Variants in MYO10 observed in about 807,000 individuals in gnomAD.
The protein encoded by MYO10 is myosin X.
MYO10 carries 133 observed loss-of-function variants against 257.3 expected under a neutral mutation model. That is an observed-to-expected ratio of 0.52 (90% CI 0.45 to 0.60). MYO10 has a LOEUF of 0.60. MYO10 is among the 20% of genes least tolerant of loss of function. The pLI is 0.00. For missense variants in MYO10, 2,399 were observed against 2,635.7 expected, an observed-to-expected ratio of 0.91 and a Z score of 1.97; for synonymous variants, 1,104 against 1,028.6, an observed-to-expected ratio of 1.07 and a Z score of -1.40.
At chr5:16,768,967 C>T in intron 10 of MYO10, 107 bp downstream of exon 10, 1 of 1,369,438 alleles carries the variant, frequency 7.3e-7, no homozygotes, top group Non-Finnish European at 9.6e-7. Flanking sequence ...AGAGCCACCG[C>T]ACCTGGCCAG....
chr5:16,747,794 C>G (rs1740241596), intron 19 of MYO10, among the ~76,000 whole-genome samples: 1 of 151,576 alleles, frequency 6.6e-6, no homozygotes, highest in African/African-American at 2.4e-5. Context: ...TGGCAGGTGC[C>G]TGTAGTCCCA....
intron 2 of MYO10, among the ~76,000 whole-genome samples, chr5:16,828,198 G>T (rs1469993281): frequency 6.6e-6 from 1 of 152,160 alleles, no homozygotes; most frequent in Non-Finnish European, 1.5e-5. Flanking sequence ...CCCACTGCTG[G>T]TGCTACTGTC....
Position 16,765,839 on chromosome 5 carries a change from G to T in MYO10, c.1179+241C>A, listed in dbSNP as rs180948157. On this transcript the variant is annotated intron_variant, in intron 11 of 40. Coordinates refer to ENST00000513610, the MANE Select transcript of MYO10 (RefSeq NM_012334.3). ...GTTCAAAGTCAGGCAATCTGCATTC[G>T]ACCCATCCTCTTAAACAACAATTCG... is the stretch of plus-strand genomic sequence containing the variant. Among the ~76,000 whole-genome samples the T allele has an allele frequency of 5.2e-4, 79 of 152,210 alleles. 1 individual carries two copies. Among genetic ancestry groups the T allele is most frequent in the African/African-American group, 1.8e-3 (74 of 41,548 alleles).
chr5:16,873,958 T>C (rs1744519311), intron 2 of MYO10, among the ~76,000 whole-genome samples: 1 of 152,134 alleles, frequency 6.6e-6, no homozygotes, highest in East Asian at 1.9e-4. Context: ...CTGGAGACAT[T>C]TTCCCCATGG....
At chr5:16,837,764 G>C (rs772380526) in intron 2 of MYO10, among the ~76,000 whole-genome samples, 16 of 152,108 alleles carry the variant, frequency 1.1e-4, no homozygotes, top group Non-Finnish European at 2.1e-4. Context: ...CTCAAATACA[G>C]GCACACCTCG....
chr5:16,718,274 C>T (rs954689284), intron 19 of MYO10, among the ~76,000 whole-genome samples: 3 of 152,222 alleles, frequency 2.0e-5, no homozygotes, highest in African/African-American at 2.4e-5. Context: ...GCCTCCCTGA[C>T]GAGCACCGCC....
intron 19 of MYO10, among the ~76,000 whole-genome samples, chr5:16,739,425 C>T (rs1329820469): frequency 2.0e-5 from 3 of 152,076 alleles, no homozygotes; most frequent in Non-Finnish European, 4.4e-5. Context: ...CATTGTTATA[C>T]ACATTGGATA....
chr5:16,884,053 A>G (rs6865040), intron 1 of MYO10, among the ~76,000 whole-genome samples: 6,268 of 152,250 alleles, frequency 0.041, 170 homozygotes, highest in African/African-American at 0.074. Flanking sequence ...CCTACATGAC[A>G]AACTCAAAAT....
chr5:16,903,802 TAAG>T (rs1311942437), intron 1 of MYO10, among the ~76,000 whole-genome samples: 1 of 152,250 alleles, frequency 6.6e-6, no homozygotes, highest in East Asian at 1.9e-4. Context: ...AGGAATGACA[TAAG>T]AAGTGCACAT....
chr5:16,767,258 C>T (rs1489322513), intron 10 of MYO10, among the ~76,000 whole-genome samples: 4 of 149,966 alleles, frequency 2.7e-5, no homozygotes, highest in Non-Finnish European at 5.9e-5. Context: ...GCAACCTCCG[C>T]GTCCTGGGTT....
At chr5:16,903,606 A>G (rs780392512) in intron 1 of MYO10, among the ~76,000 whole-genome samples, 2 of 152,220 alleles carry the variant, frequency 1.3e-5, no homozygotes, top group African/African-American at 2.4e-5. Context: ...GATAATAAGC[A>G]TCAGTCCACA....
intron 17 of MYO10, among the ~76,000 whole-genome samples, chr5:16,761,137 C>T (rs946598663): frequency 6.6e-6 from 1 of 152,050 alleles, no homozygotes; most frequent in Non-Finnish European, 1.5e-5. Context: ...ATTACAGGTG[C>T]CTGCCACCAT....
chr5:16,762,537 T>C lies in MYO10; in HGVS notation c.1587+8A>G, dbSNP rs31511. On this transcript the variant is annotated splice_region_variant and intron_variant, in intron 15 of 40. Transcript: ENST00000513610. ...CAATGTGATGAAGAATTGCAGGTTT[T>C]GACATACCGCATGCTGACTGTGTAG... 0.96 allele frequency: 1,532,633 copies of C among 1,591,092 alleles called. 740,511 individuals carry two copies. The highest frequency in any genetic ancestry group is 0.98 in the Non-Finnish European group (1,147,002 of 1,166,314).
chr5:16,888,536 G>A (rs1172613564), intron 1 of MYO10, among the ~76,000 whole-genome samples: 2 of 151,682 alleles, frequency 1.3e-5, no homozygotes. Flanking sequence ...GAGAGGTTGT[G>A]GTGAGCCGAA....
intron 5 of MYO10, 47 bp downstream of exon 5, chr5:16,783,288 A>G: frequency 6.7e-7 from 1 of 1,498,250 alleles, no homozygotes; most frequent in East Asian, 2.4e-5. Flanking sequence ...GCCATACCAT[A>G]AGGAAAGTGA....
chr5:16,699,415 C>G (rs562936194), intron 26 of MYO10, 35 bp downstream of exon 26: 78 of 1,608,704 alleles, frequency 4.8e-5, no homozygotes, highest in Non-Finnish European at 6.4e-5. Flanking sequence ...CTCGCTCTCC[C>G]CCTAACCCAG....
chr5:16,709,040 C>T, intron 21 of MYO10, among the ~76,000 whole-genome samples: 1 of 152,150 alleles, frequency 6.6e-6, no homozygotes, highest in East Asian at 1.9e-4. Flanking sequence ...GTAGAATGAA[C>T]AATCAGCTCT....
chr5:16,843,507 G>T (rs1743544715), intron 2 of MYO10, among the ~76,000 whole-genome samples: 1 of 152,148 alleles, frequency 6.6e-6, no homozygotes, highest in African/African-American at 2.4e-5. Flanking sequence ...TTAGTAAGCA[G>T]CAGGCAGGGC....
At chr5:16,754,938 C>CAATAAAA in intron 18 of MYO10, 30 bp from the exon 19 acceptor site, 1 of 1,436,280 alleles carries the variant, frequency 7.0e-7, no homozygotes, top group South Asian at 1.3e-5. Context: ...TTGATTTAGT[C>CAATAAAA]TCTTATTATG....
Sources: allele counts gnomAD v4.1 joint callset (sites outside exome capture counted in the v4.1 genomes callset), GRCh38; gene constraint gnomAD v4.1.1; transcripts MANE v1.5; gene names NCBI Gene and HGNC (gene_info 2026-07-23, HGNC 2026-07-21).